The following NCOA2 variants were observed in gnomAD, a reference collection of about 807,000 sequenced individuals.
The protein encoded by NCOA2 is nuclear receptor coactivator 2.
NCOA2 carries 21 observed loss-of-function variants against 145.1 expected under a neutral mutation model. The observed-to-expected ratio is 0.14, with a 90% CI of 0.10 to 0.21. NCOA2 has a LOEUF of 0.21. NCOA2 is among the 10% of genes least tolerant of loss of function. NCOA2 has a pLI of 1.00. For synonymous variants in NCOA2, 619 were observed against 637.5 expected (o/e 0.97, Z 0.44); for missense variants, 1,472 against 1,837.6 (o/e 0.80, Z 3.64).
In NCOA2 at chr8:70,314,180, CAAAAAAAAAAAAA is replaced by C. The variant is rs61028027; in HGVS notation, c.-76-17393_-76-17381del. On this transcript the variant is annotated intron_variant, in intron 1 of 22. Transcript: ENST00000452400. ...GGGCGACAGAGCAAGACTCTGACTC[CAAAAAAAAAAAAA>C]AAAAAAAAAAAAAAAGCAACTGTCA... is the stretch of plus-strand genomic sequence containing the variant. Among the ~76,000 whole-genome samples, 74 of 17,204 alleles carry C rather than the reference CAAAAAAAAAAAAA, an allele frequency of 4.3e-3. 2 individuals carry two copies. Among genetic ancestry groups the C allele is most frequent in the South Asian group, 6.8e-3 (2 of 292 alleles). 11.3% of individuals were successfully genotyped at this position (17,204 alleles called of 152,430 possible).
chr8:70,159,232 ATATATATATATTTT>A (rs1812636905), intron 10 of NCOA2, among the ~76,000 whole-genome samples: 1 of 52,114 alleles, frequency 1.9e-5, no homozygotes, highest in Admixed American at 2.1e-4. Context: ...TTATATATAT[ATATATATATATTTT>A]TTTTTTTTTC....
chr8:70,146,584 T>G (rs989409868), intron 12 of NCOA2, among the ~76,000 whole-genome samples: 2 of 152,202 alleles, frequency 1.3e-5, no homozygotes, highest in Admixed American at 6.5e-5. Flanking sequence ...GGTTATCAGG[T>G]TGCCATCAAT....
chr8:70,446,269 CA>C, the NCOA2 span, among the ~76,000 whole-genome samples: 1 of 152,196 alleles, frequency 6.6e-6, no homozygotes, highest in African/African-American at 2.4e-5. Context: ...CAAACCACCA[CA>C]ACCCCTTTAT....
intron 1 of NCOA2, among the ~76,000 whole-genome samples, chr8:70,317,152 G>A (rs530826967): frequency 6.6e-5 from 10 of 152,318 alleles, no homozygotes; most frequent in African/African-American, 2.4e-4. Flanking sequence ...CAGAGGGTGT[G>A]ATCTCCAGGT....
chr8:70,159,934 T>C (rs898243161), intron 9 of NCOA2, among the ~76,000 whole-genome samples: 1 of 152,346 alleles, frequency 6.6e-6, no homozygotes, highest in East Asian at 1.9e-4. Context: ...TTTATTATTA[T>C]GGCAAAACAG....
At chr8:70,182,518 AATAG>A (rs1815601484) in intron 4 of NCOA2, among the ~76,000 whole-genome samples, 1 of 152,238 alleles carries the variant, frequency 6.6e-6, no homozygotes. Context: ...CAGCAACCAG[AATAG>A]ACTTTGAGTA....
At chr8:70,256,404 C>T (rs915163897) in intron 2 of NCOA2, among the ~76,000 whole-genome samples, 3 of 152,188 alleles carry the variant, frequency 2.0e-5, no homozygotes, top group Non-Finnish European at 4.4e-5. Flanking sequence ...TACAGTGCTG[C>T]TGCATGGAAG....
At chr8:70,281,486 A>G (rs1825879009) in intron 2 of NCOA2, among the ~76,000 whole-genome samples, 1 of 152,064 alleles carries the variant, frequency 6.6e-6, no homozygotes, top group South Asian at 2.1e-4. Context: ...TACAGAAAAG[A>G]TTATGCTGTG....
chr8:70,140,938 C>A (rs536968938), intron 14 of NCOA2, among the ~76,000 whole-genome samples: 5 of 152,048 alleles, frequency 3.3e-5, no homozygotes, highest in African/African-American at 1.2e-4. Flanking sequence ...TCATTTCTTC[C>A]CCAAAGTTGA....
the NCOA2 span, chr8:70,424,262 G>A: frequency 1.3e-5 from 5 of 384,044 alleles, no homozygotes; most frequent in South Asian, 2.1e-5. Flanking sequence ...AGGTCTTCAC[G>A]GAGCTTGTTA....
At chr8:70,415,813 G>C in the NCOA2 span, among the ~76,000 whole-genome samples, 1 of 152,034 alleles carries the variant, frequency 6.6e-6, no homozygotes, top group African/African-American at 2.4e-5. Context: ...ACTCATTTAC[G>C]GTAGCATTGT....
chr8:70,341,544 A>G (rs949656615), intron 1 of NCOA2, among the ~76,000 whole-genome samples: 5 of 152,348 alleles, frequency 3.3e-5, no homozygotes, highest in Admixed American at 2.6e-4. Context: ...TTAATTGTCC[A>G]TAACTAAAGT....
chr8:70,121,875 A>C (rs1324364795), intron 21 of NCOA2, among the ~76,000 whole-genome samples: 1 of 152,232 alleles, frequency 6.6e-6, no homozygotes, highest in Admixed American at 6.5e-5. Context: ...ATTCATTTGC[A>C]TTTGTACATT....
chr8:70,283,028 G>A (rs992629771), intron 2 of NCOA2, among the ~76,000 whole-genome samples: 4 of 152,196 alleles, frequency 2.6e-5, no homozygotes, highest in African/African-American at 7.2e-5. Flanking sequence ...TAAACACTGA[G>A]AATAAAATTC....
At chr8:70,348,766 G>A (rs1808903511) in intron 1 of NCOA2, among the ~76,000 whole-genome samples, 1 of 152,162 alleles carries the variant, frequency 6.6e-6, no homozygotes, top group African/African-American at 2.4e-5. Flanking sequence ...ACTGGTTTGG[G>A]TGGAGGGAAG....
intron 16 of NCOA2, among the ~76,000 whole-genome samples, chr8:70,131,489 G>A (rs73687605): frequency 0.054 from 8,280 of 152,232 alleles, 753 homozygotes; most frequent in African/African-American, 0.19. Context: ...AGGGGGAAGC[G>A]TTCTAGGTCA....
intron 2 of NCOA2, among the ~76,000 whole-genome samples, chr8:70,242,819 A>T (rs1296917854): frequency 6.6e-6 from 1 of 152,102 alleles, no homozygotes; most frequent in Non-Finnish European, 1.5e-5. Context: ...GATCACACTT[A>T]ATTCTACTTT....
At chr8:70,286,660 A>G (rs958859089) in intron 2 of NCOA2, among the ~76,000 whole-genome samples, 1 of 152,216 alleles carries the variant, frequency 6.6e-6, no homozygotes, top group Non-Finnish European at 1.5e-5. Context: ...GCAGTTGTGA[A>G]TAAAGTAAAT....
At chr8:70,453,562 C>T in the NCOA2 span, among the ~76,000 whole-genome samples, 43 of 152,224 alleles carry the variant, frequency 2.8e-4, no homozygotes, top group African/African-American at 8.9e-4. Context: ...AAGCTATGCT[C>T]AGTTTATTCC....
Sources: allele counts gnomAD v4.1 joint callset (sites outside exome capture counted in the v4.1 genomes callset), GRCh38; gene constraint gnomAD v4.1.1; transcripts MANE v1.5; gene names NCBI Gene and HGNC (gene_info 2026-07-23, HGNC 2026-07-21).